The following DGAT2 variants were observed in gnomAD, a reference collection of about 807,000 sequenced individuals.
DGAT2 encodes acyl-CoA retinol O-fatty-acyltransferase.
DGAT2 carries 33 observed loss-of-function variants against 48.4 expected under a neutral mutation model. That is an observed-to-expected ratio of 0.68 (90% confidence interval 0.52 to 0.91). The LOEUF is 0.91. Ranked by LOEUF, DGAT2 falls within the 40% of genes least tolerant of loss-of-function variation. The probability of loss-of-function intolerance (pLI) is 0.00; values close to 1 mark genes in which losing one functional copy is unlikely to be tolerated. For missense variants in DGAT2, 446 were observed against 493.7 expected (o/e 0.90, Z 0.92); for synonymous variants, 191 against 194.1 (o/e 0.98, Z 0.13).
At chr11:75,785,992 A>T (rs1216776656) in intron 2 of DGAT2, among the ~76,000 whole-genome samples, 1 of 152,262 alleles carries the variant, frequency 6.6e-6, no homozygotes, top group Non-Finnish European at 1.5e-5. Context: ...CTGGGGCTGA[A>T]ACAGCCAGTC....
chr11:75,797,497 C>T lies in DGAT2; in HGVS notation c.809+165C>T, dbSNP rs1436765817. On this transcript the variant is annotated intron_variant, in intron 6 of 7. Transcript: ENST00000228027. ...TGGAGCCCAGACTGCACAGTGTGGG[C>T]CAAGTTTGCCCATGTGTGTCTGGGT... 2.6e-5 allele frequency among the ~76,000 whole-genome samples: 4 copies of T among 152,176 alleles called. 1 individual carries two copies.
chr11:75,776,070 C>T (rs1944800516), intron 1 of DGAT2: 1 of 152,248 alleles, frequency 6.6e-6, no homozygotes, highest in Non-Finnish European at 1.5e-5. Flanking sequence ...CCTTCTCTCT[C>T]CCTTCCTCTG....
chr11:75,778,519 A>T (rs774677473), intron 1 of DGAT2, among the ~76,000 whole-genome samples: 1 of 152,120 alleles, frequency 6.6e-6, no homozygotes, highest in Non-Finnish European at 1.5e-5. Context: ...CAAATGCCAC[A>T]TGTGCCTTAA....
Position 75,790,177 on chromosome 11 carries a change from C to G in DGAT2, c.251-11C>G, listed in dbSNP as rs763800613. The G allele has an allele frequency of 6.2e-7, 1 of 1,603,378 alleles. No individual in the cohort carries two copies. ...CCAGTAGGACCTGACCTGTGGCCAT[C>G]TGCCCCCCAGGAGTGGCCTGCAGTG... On this transcript the variant is annotated splice_polypyrimidine_tract_variant and intron_variant, in intron 2 of 7. Transcript: ENST00000228027.
rs143084061 is a variant in DGAT2, at chr11:75,797,242, G to A, written c.719G>A (p.Gly240Asp). 55 of 1,583,224 alleles carry A rather than the reference G, an allele frequency of 3.5e-5. 1 individual carries two copies. The South Asian group carries it at 5.8e-4, about 17-fold the overall frequency. ...AATGCTATCATCATCGTGGTCGGGG[G>A]TGCGGCTGAGTCTCTGAGCTCCATG... is the stretch of plus-strand genomic sequence containing the variant. Reference protein sequence around the residue: ...SGNAIIIVVGGAAESLSSMPG... With the variant: ...SGNAIIIVVGDAAESLSSMPG... Residue 240 changes from glycine to aspartate, a missense_variant, in exon 6 of 8, where the codon GGT becomes GAT. Transcript: ENST00000228027.
At chr11:75,796,305 C>T in intron 4 of DGAT2, 23 bp from the exon 5 acceptor site, 2 of 1,607,214 alleles carry the variant, frequency 1.2e-6, no homozygotes, top group South Asian at 1.1e-5. Flanking sequence ...CCAGTTTCCT[C>T]TGACCCAAGG....
In DGAT2 at chr11:75,796,469, T is replaced by G; in HGVS notation, c.571T>G (p.Tyr191Asp). Residue 191 changes from tyrosine (Y) to aspartate (D), a missense_variant, in exon 5 of 8, where the codon TAC becomes GAC. Transcript: ENST00000228027. ...VSKKFPGIRP[Y>D]LATLAGNFRM... is the part of the protein sequence containing the mutation. ...CAAGAAGTTCCCAGGCATACGGCCT[T>G]ACCTGGCTACACTGGCAGGCAACTT... is the stretch of plus-strand genomic sequence containing the variant. 6.2e-7 allele frequency: 1 copy of G among 1,613,942 alleles called. No homozygotes were observed. Among genetic ancestry groups the G allele is most frequent in the Non-Finnish European group, 8.5e-7 (1 of 1,180,022 alleles).
intron 1 of DGAT2, among the ~76,000 whole-genome samples, chr11:75,782,115 G>A (rs1275061969): frequency 6.6e-6 from 1 of 152,134 alleles, no homozygotes; most frequent in Non-Finnish European, 1.5e-5. Flanking sequence ...TGTCTGCAAC[G>A]GGAAGCAAGT....
chr11:75,784,616 A>G lies in DGAT2; in HGVS notation c.122-2A>G, dbSNP rs113474989. 2.5e-6 allele frequency: 4 copies of G among 1,613,910 alleles called. No individual in the cohort carries two copies. In the Admixed American group the frequency reaches 6.7e-5, roughly 27 times the overall value. ...TGGACTGACATCTTCCCTCTGCTGT[A>G]GGCACTGGATCCAGCATCCTCTCCG... On this transcript the variant is annotated splice_acceptor_variant, in intron 1 of 7. Transcript: ENST00000228027. LOFTEE classifies it high-confidence loss of function.
At chr11:75,783,376 A>C (rs1944888779) in intron 1 of DGAT2, among the ~76,000 whole-genome samples, 1 of 152,166 alleles carries the variant, frequency 6.6e-6, no homozygotes. Flanking sequence ...TCAGCTCATA[A>C]GGGTAGATAT....
chr11:75,787,913 C>T (rs950671812), intron 2 of DGAT2, among the ~76,000 whole-genome samples: 8 of 152,134 alleles, frequency 5.3e-5, no homozygotes, highest in African/African-American at 1.7e-4. Context: ...CTGAGAAAGG[C>T]CAGGCTAGAA....
intron 1 of DGAT2, among the ~76,000 whole-genome samples, chr11:75,775,151 AG>A (rs1413893029): frequency 6.6e-6 from 1 of 152,252 alleles, no homozygotes; most frequent in Non-Finnish European, 1.5e-5. Context: ...AGCAGAGCAC[AG>A]GTGGCCCAAG....
At chr11:75,796,775 C>T (rs1049288057) in intron 5 of DGAT2, 1 of 551,186 alleles carries the variant, frequency 1.8e-6, no homozygotes, top group South Asian at 2.2e-5. Flanking sequence ...TTTCTGGGGA[C>T]CCCCAGCCCT....
intron 7 of DGAT2, 141 bp from the exon 8 acceptor site, chr11:75,800,213 C>G (rs1057164516): frequency 4.5e-6 from 5 of 1,115,806 alleles, no homozygotes; most frequent in Non-Finnish European, 6.2e-6. Context: ...AGGGGACAAC[C>G]AGAGATGCAG....
rs752118283 is a variant in DGAT2, at chr11:75,768,995, A to G, written c.4A>G (p.Lys2Glu). The G allele has an allele frequency of 1.3e-6, 2 of 1,550,294 alleles. No homozygotes were observed. The highest frequency in any genetic ancestry group is 1.7e-6 in the Non-Finnish European group (2 of 1,149,932). Reference sequence around the variant, plus strand: ...CGTGACTGGGCGGGCTTCAGCCATGAAGACCCTCATAGCCGCCTACTCCGG... The same window carrying G: ...CGTGACTGGGCGGGCTTCAGCCATGGAGACCCTCATAGCCGCCTACTCCGG... Reference protein sequence around the residue: MKTLIAAYSGVL... With the variant: METLIAAYSGVL... The change falls in exon 1 of 8, where the codon AAG (lysine) becomes GAG (glutamate). Residue 2 changes from lysine to glutamate, a missense_variant. Transcript: ENST00000228027.
chr11:75,797,415 AC>A, intron 6 of DGAT2, 83 bp downstream of exon 6: 1 of 1,329,846 alleles, frequency 7.5e-7, no homozygotes, highest in Non-Finnish European at 9.7e-7. Context: ...TGAAGACAGG[AC>A]CCAGACCCCA....
chr11:75,786,669 G>A (rs1370294768), intron 2 of DGAT2, among the ~76,000 whole-genome samples: 3 of 152,174 alleles, frequency 2.0e-5, no homozygotes, highest in African/African-American at 7.2e-5. Context: ...TCGTTGGACA[G>A]GCAGATCTCC....
intron 3 of DGAT2, 100 bp downstream of exon 3, chr11:75,790,395 C>A (rs1444137816): frequency 2.8e-6 from 3 of 1,076,198 alleles, no homozygotes; most frequent in East Asian, 2.4e-5. Flanking sequence ...TCTTTTAACA[C>A]CCACTTTGTG....
At chr11:75,789,085 G>A (rs758236240) in intron 2 of DGAT2, among the ~76,000 whole-genome samples, 34 of 151,920 alleles carry the variant, frequency 2.2e-4, no homozygotes, top group Non-Finnish European at 4.3e-4. Flanking sequence ...TGACCTACAG[G>A]CCCAGAACAT....
Sources: allele counts gnomAD v4.1 joint callset (sites outside exome capture counted in the v4.1 genomes callset), GRCh38; gene constraint gnomAD v4.1.1; transcripts MANE v1.5; gene names NCBI Gene and HGNC (gene_info 2026-07-23, HGNC 2026-07-21).